Variants in IPO11 observed in about 807,000 individuals in gnomAD.
IPO11 encodes importin 11, also known as importin-11.
A neutral mutation model predicts 143.2 loss-of-function variants in IPO11; 66 were observed. That is an observed-to-expected ratio of 0.46 (90% confidence interval 0.38 to 0.57). The LOEUF (loss-of-function observed/expected upper bound fraction) is 0.57, where lower values mean the gene tolerates loss of function less well. Ranked by LOEUF, IPO11 falls within the 20% of genes least tolerant of loss-of-function variation. IPO11 has a pLI of 0.00. For synonymous variants in IPO11, 385 were observed against 377.8 expected (o/e 1.02, Z -0.22); for missense variants, 1,026 against 1,141.0 (o/e 0.90, Z 1.45).
chr5:62,530,057 A>G (rs926668218), intron 21 of IPO11, among the ~76,000 whole-genome samples: 2 of 152,206 alleles, frequency 1.3e-5, no homozygotes, highest in East Asian at 3.8e-4. Flanking sequence ...CATAAGTTTT[A>G]CTAACTTATT....
At chr5:62,606,506 A>AAT (rs70981028) in intron 29 of IPO11, among the ~76,000 whole-genome samples, 1 of 147,922 alleles carries the variant, frequency 6.8e-6, no homozygotes, top group South Asian at 2.2e-4. Flanking sequence ...AAAAAAAAAA[A>AAT]GGAGAACCCT....
intron 27 of IPO11, chr5:62,581,298 T>C (rs1301708334): frequency 1.3e-6 from 2 of 1,513,434 alleles, no homozygotes; most frequent in African/African-American, 2.8e-5. Context: ...TTGAACATTC[T>C]GCTTTATAAC....
At chr5:62,498,610 T>C (rs972913336) in intron 16 of IPO11, among the ~76,000 whole-genome samples, 2 of 152,212 alleles carry the variant, frequency 1.3e-5, no homozygotes, top group African/African-American at 2.4e-5. Flanking sequence ...ACGTCTTGGC[T>C]GGGCACGGTG....
intron 1 of IPO11, among the ~76,000 whole-genome samples, chr5:62,415,999 G>T (rs1331021520): frequency 2.0e-5 from 3 of 152,156 alleles, no homozygotes; most frequent in African/African-American, 7.2e-5. Context: ...TTAAACAAGA[G>T]AATTTTTTTT....
rs1199072736 is a variant in IPO11, at chr5:62,587,433, C to T, written c.2583-4144C>T. ...GAAAGGATGTATGTTTCCATTTAAA[C>T]GACAAAAGTATTTGCAGGCTGTATC... On this transcript the variant is annotated intron_variant, in intron 27 of 29. Transcript: ENST00000325324. Among the ~76,000 whole-genome samples the T allele has an allele frequency of 7.9e-5, 12 of 151,660 alleles. No individual in the cohort carries two copies. The South Asian group carries it at 8.3e-4, about 10-fold the overall frequency.
chr5:62,578,316 T>A (rs1006316409), intron 27 of IPO11, among the ~76,000 whole-genome samples: 2 of 152,182 alleles, frequency 1.3e-5, no homozygotes, highest in African/African-American at 2.4e-5. Context: ...ATAACAACAT[T>A]TATGTTCATT....
chr5:62,537,334 T>C, intron 24 of IPO11, 45 bp downstream of exon 24: 1 of 1,239,840 alleles, frequency 8.1e-7, no homozygotes, highest in Non-Finnish European at 1.2e-6. Flanking sequence ...ATTTTTCATT[T>C]ATATTTTATG....
intron 16 of IPO11, among the ~76,000 whole-genome samples, chr5:62,499,644 C>T (rs1294790048): frequency 8.6e-5 from 12 of 139,134 alleles, no homozygotes; most frequent in African/African-American, 1.3e-4. Context: ...GGCGCAATCT[C>T]GGCTCACTGC....
intron 26 of IPO11, among the ~76,000 whole-genome samples, chr5:62,558,413 T>A (rs1224028458): frequency 6.6e-6 from 1 of 152,192 alleles, no homozygotes; most frequent in Non-Finnish European, 1.5e-5. Context: ...TATTTATTCC[T>A]GGAATAAAGA....
intron 1 of IPO11, among the ~76,000 whole-genome samples, chr5:62,426,942 T>TTTG (rs1488972882): frequency 1.4e-5 from 2 of 141,704 alleles, no homozygotes; most frequent in African/African-American, 5.1e-5. Context: ...TTTTTTTTTT[T>TTTG]TTTTTTTTTT....
In IPO11 at chr5:62,598,409, T is replaced by C. The variant is rs1745317407; in HGVS notation, c.2679-3355T>C. 4.8e-4 allele frequency among the ~76,000 whole-genome samples: 5 copies of C among 10,486 alleles called. No individual in the cohort carries two copies. In the African/African-American group the frequency reaches 6.9e-3, roughly 14 times the overall value. The allele number at this position is 10,486 out of a possible 152,430, so 6.9% of individuals were successfully genotyped here. A position where few individuals can be genotyped will look rare whatever the true frequency, so the allele number is the denominator to read the frequency against. ...CTTGCTTGCTTTCTTTCTTTCTTTC[T>C]TTCTTTCTTTCTTTCTTTCTTTCTC... On this transcript the variant is annotated intron_variant, in intron 28 of 29. Coordinates refer to ENST00000325324, the MANE Select transcript of IPO11 (RefSeq NM_016338.5).
intron 2 of IPO11, among the ~76,000 whole-genome samples, chr5:62,440,009 C>A (rs1744407353): frequency 6.6e-6 from 1 of 152,160 alleles, no homozygotes; most frequent in African/African-American, 2.4e-5. Flanking sequence ...TGAGATCCAC[C>A]AACTTCCACA....
rs138074699 is a variant in IPO11 at position 62,414,963 on chromosome 5, C to T, written c.-7+2034C>T. ...GTCACACATACCTAGATTTATAACCCAGATTCCAACTCATTCCAGTGCTTT... is the reference window on the plus strand; with the variant it reads ...GTCACACATACCTAGATTTATAACCTAGATTCCAACTCATTCCAGTGCTTT... On this transcript the variant is annotated intron_variant, in intron 1 of 29. Transcript: ENST00000325324. Among the ~76,000 whole-genome samples, 806 of 152,278 alleles carry T rather than the reference C, an allele frequency of 5.3e-3. 5 individuals carry two copies. The highest frequency in any genetic ancestry group is 7.2e-3 in the Non-Finnish European group (489 of 68,030).
chr5:62,454,850 A>T (rs1284227828), intron 5 of IPO11, among the ~76,000 whole-genome samples: 1 of 152,138 alleles, frequency 6.6e-6, no homozygotes, highest in African/African-American at 2.4e-5. Flanking sequence ...AGAACAGGAG[A>T]CTTATTCTTA....
chr5:62,516,980 C>T (rs1260481765), intron 20 of IPO11, among the ~76,000 whole-genome samples: 2 of 151,780 alleles, frequency 1.3e-5, no homozygotes, highest in East Asian at 3.9e-4. Context: ...GGGTGGATCA[C>T]AAGGTCAGGA....
rs868257511 is a variant in IPO11, at chr5:62,419,243, G to T, written c.-7+6314G>T. On this transcript the variant is annotated intron_variant, in intron 1 of 29. Coordinates refer to ENST00000325324, the MANE Select transcript of IPO11 (RefSeq NM_016338.5). ...CACTTACCTCGAATGGAGCTTGGAG[G>T]ACTGGAAATTGGTTTGGATGAATCA... 50 of 1,177,640 alleles carry T rather than the reference G, an allele frequency of 4.2e-5. 1 individual carries two copies. The highest frequency in any genetic ancestry group is 6.2e-5 in the South Asian group (3 of 48,768). 72.9% of individuals were successfully genotyped at this position (1,177,640 alleles called of 1,614,324 possible). A position where few individuals can be genotyped will look rare whatever the true frequency, so the allele number is the denominator to read the frequency against.
At chr5:62,503,359 TTAA>T (rs1741415753) in intron 16 of IPO11, among the ~76,000 whole-genome samples, 1 of 142,642 alleles carries the variant, frequency 7.0e-6, no homozygotes. Flanking sequence ...TATTAATATA[TTAA>T]TAGTATCTAC....
chr5:62,542,514 TA>T (rs1742995112), intron 24 of IPO11, among the ~76,000 whole-genome samples: 1 of 152,140 alleles, frequency 6.6e-6, no homozygotes, highest in Non-Finnish European at 1.5e-5. Flanking sequence ...TACCATTTCT[TA>T]ATATAGTATG....
chr5:62,422,966 G>A (rs992829169), intron 1 of IPO11, among the ~76,000 whole-genome samples: 3 of 151,996 alleles, frequency 2.0e-5, no homozygotes, highest in African/African-American at 7.3e-5. Flanking sequence ...TAATAAATAT[G>A]GAAAAGCCTA....
Sources: gnomAD v4.1 joint callset for allele counts (sites outside exome capture counted in the v4.1 genomes callset) on GRCh38, gnomAD v4.1.1 for gene constraint, MANE v1.5 for transcripts, NCBI Gene and HGNC (gene_info 2026-07-23, HGNC 2026-07-21) for gene names.